CIMAP2: variants seen among roughly 807,000 people sequenced by gnomAD.
The protein encoded by CIMAP2 is ciliary microtubule associated protein 2, also known as ciliary microtubule-associated protein 2.
At chr1:54,829,540 ACT>A in the CIMAP2 span, among the ~76,000 whole-genome samples, 1 of 151,830 alleles carries the variant, frequency 6.6e-6, no homozygotes, top group Non-Finnish European at 1.5e-5. Flanking sequence ...TTCTTTATGC[ACT>A]CTTTCACTGA....
At chr1:54,840,059 G>A in the CIMAP2 span, among the ~76,000 whole-genome samples, 1 of 152,182 alleles carries the variant, frequency 6.6e-6, no homozygotes, top group Non-Finnish European at 1.5e-5. Context: ...CCAATTCTAT[G>A]AGTTTTGACA....
At chr1:54,811,961 G>A in the CIMAP2 span, 2 of 1,613,976 alleles carry the variant, frequency 1.2e-6, no homozygotes, top group Admixed American at 1.7e-5. Context: ...GGCCTTGCCT[G>A]CCTTCCCGTC....
the CIMAP2 span, among the ~76,000 whole-genome samples, chr1:54,832,093 C>G: frequency 4.6e-5 from 7 of 152,264 alleles, no homozygotes. Flanking sequence ...GATCCACCAA[C>G]ATTGGCCTTC....
chr1:54,806,727 TAAAC>T, the CIMAP2 span, among the ~76,000 whole-genome samples: 1 of 137,544 alleles, frequency 7.3e-6, no homozygotes, highest in African/African-American at 2.7e-5. Context: ...GGGTGGGTAA[TAAAC>T]AAAAGTATGT....
chr1:54,824,571 AT>A, the CIMAP2 span, among the ~76,000 whole-genome samples: 4 of 151,774 alleles, frequency 2.6e-5, no homozygotes, highest in South Asian at 2.1e-4. Flanking sequence ...TAATCTTGTA[AT>A]TTTTTTTCTT....
chr1:54,841,900 T>C, the CIMAP2 span: 1 of 1,547,344 alleles, frequency 6.5e-7, no homozygotes, highest in Non-Finnish European at 8.7e-7. Flanking sequence ...CAGCCTGCAG[T>C]GACCAGAGAG....
At chr1:54,831,363 A>G in the CIMAP2 span, among the ~76,000 whole-genome samples, 1 of 152,202 alleles carries the variant, frequency 6.6e-6, no homozygotes, top group Admixed American at 6.5e-5. Flanking sequence ...AGCTTAAGAA[A>G]GGGGAAGACA....
At chr1:54,830,165 C>A in the CIMAP2 span, among the ~76,000 whole-genome samples, 1 of 152,210 alleles carries the variant, frequency 6.6e-6, no homozygotes, top group Non-Finnish European at 1.5e-5. The surrounding 1 kb of genome is among the most constrained non-coding windows in gnomAD (Gnocchi z 4.1). Context: ...GGCTACAGTT[C>A]TCAATATTTA....
the CIMAP2 span, chr1:54,811,765 G>GCCGGGGGGGGGGCCGCCCCCCCCCCC: frequency 7.7e-7 from 1 of 1,301,328 alleles, no homozygotes. Flanking sequence ...GGTTCTGACA[G>GCCGGGGGGGGGGCCGCCCCCCCCCCC]CCTCCATGCC....
chr1:54,831,593 C>T, the CIMAP2 span, among the ~76,000 whole-genome samples: 1 of 151,596 alleles, frequency 6.6e-6, no homozygotes, highest in Non-Finnish European at 1.5e-5. Context: ...GCGGAGGGTG[C>T]AGTGAGCCAA....
At chr1:54,811,767 C>CGGGGGGGGCGG in the CIMAP2 span, 2 of 1,088,164 alleles carry the variant, frequency 1.8e-6, no homozygotes, top group Non-Finnish European at 2.7e-6. Context: ...TTCTGACAGC[C>CGGGGGGGGCGG]TCCATGCCCC....
At chr1:54,814,365 G>A in the CIMAP2 span, among the ~76,000 whole-genome samples, 1 of 152,302 alleles carries the variant, frequency 6.6e-6, no homozygotes, top group South Asian at 2.1e-4. Context: ...ACTGGGACCT[G>A]CCCACTTGCT....
chr1:54,811,644 A>C, the CIMAP2 span: 1 of 811,528 alleles, frequency 1.2e-6, no homozygotes, highest in Non-Finnish European at 2.0e-6. Context: ...ACGGGCAACA[A>C]TGTTGTGTGT....
chr1:54,826,177 C>T, the CIMAP2 span, among the ~76,000 whole-genome samples: 260 of 152,268 alleles, frequency 1.7e-3, 1 homozygote, highest in African/African-American at 6.0e-3. Flanking sequence ...GGCCCTGGAA[C>T]AGTGTGCAGG....
chr1:54,808,858 C>A, the CIMAP2 span, among the ~76,000 whole-genome samples: 6 of 152,010 alleles, frequency 3.9e-5, no homozygotes, highest in Admixed American at 1.3e-4. Context: ...GCCTGGACCT[C>A]TCTGTGCTGG....
chr1:54,811,881 G>A, the CIMAP2 span: 23 of 1,612,192 alleles, frequency 1.4e-5, no homozygotes, highest in East Asian at 2.2e-5. Flanking sequence ...GTCTCATTCC[G>A]AGGGCCTCAT....
the CIMAP2 span, among the ~76,000 whole-genome samples, chr1:54,815,492 G>A: frequency 2.0e-5 from 3 of 152,152 alleles, no homozygotes; most frequent in Non-Finnish European, 2.9e-5. Context: ...AGGGGCAGCT[G>A]GTGAAGCTGG....
the CIMAP2 span, chr1:54,807,183 A>G: frequency 1.6e-6 from 2 of 1,271,604 alleles, no homozygotes; most frequent in South Asian, 2.4e-5. Context: ...GAAGGGGCGT[A>G]CTTTCTACCT....
the CIMAP2 span, among the ~76,000 whole-genome samples, chr1:54,829,696 A>G: frequency 1.3e-5 from 2 of 152,104 alleles, no homozygotes; most frequent in Non-Finnish European, 2.9e-5. Context: ...AAGTTTTTTA[A>G]GTTTTAAGAG....
Sources: gnomAD v4.1 joint callset for allele counts (sites outside exome capture counted in the v4.1 genomes callset) on GRCh38, gnomAD v4.1.1 for gene constraint, Gnocchi (gnomAD v3.1) non-coding constraint, MANE v1.5 for transcripts, NCBI Gene and HGNC (gene_info 2026-07-23, HGNC 2026-07-21) for gene names.